Variants in ATXN8OS observed in about 807,000 individuals in gnomAD.
ATXN8OS encodes the protein ATXN8 opposite strand (non-protein coding).
chr13:70,107,422 T>A, upstream of ATXN8OS: 1 of 1,611,906 alleles, frequency 6.2e-7, no homozygotes, highest in Non-Finnish European at 8.5e-7. Context: ...CAGGGTGCCA[T>A]TCAGCGGATT....
intron 4 of ATXN8OS, among the ~76,000 whole-genome samples, chr13:70,168,069 G>A (rs549983970): frequency 6.6e-6 from 1 of 151,978 alleles, no homozygotes; most frequent in Non-Finnish European, 1.5e-5. Flanking sequence ...TATAAGCATT[G>A]GGCATTACAG....
chr13:70,159,103 T>C (rs954430738), intron 4 of ATXN8OS, among the ~76,000 whole-genome samples: 5 of 152,128 alleles, frequency 3.3e-5, no homozygotes, highest in Admixed American at 6.5e-5. Flanking sequence ...TAGATAATAC[T>C]ATAGTTCAAC....
chr13:70,108,528 T>TG (rs1555298159), intron 1 of ATXN8OS: 7 of 137,648 alleles, frequency 5.1e-5, no homozygotes, highest in African/African-American at 1.8e-4. Context: ...TACGGAGAGA[T>TG]GGAGGGAGGG....
At chr13:70,148,307 A>G (rs914405576) in intron 4 of ATXN8OS, among the ~76,000 whole-genome samples, 1 of 152,184 alleles carries the variant, frequency 6.6e-6, no homozygotes, top group Non-Finnish European at 1.5e-5. Flanking sequence ...ACTTTGTTGT[A>G]AAATACTTTG....
At chr13:70,168,739 G>A (rs148122385) in intron 4 of ATXN8OS, among the ~76,000 whole-genome samples, 1 of 151,976 alleles carries the variant, frequency 6.6e-6, no homozygotes, top group East Asian at 1.9e-4. Flanking sequence ...TCATGTCCCA[G>A]TAATATCCCA....
chr13:70,134,511 T>A (rs541550588), intron 3 of ATXN8OS, among the ~76,000 whole-genome samples: 1 of 152,280 alleles, frequency 6.6e-6, no homozygotes, highest in Admixed American at 6.5e-5. Context: ...ATGCACTGGT[T>A]ACCATGCCAG....
intron 1 of ATXN8OS, among the ~76,000 whole-genome samples, chr13:70,113,047 C>A (rs1888220846): frequency 6.6e-6 from 1 of 151,072 alleles, no homozygotes; most frequent in African/African-American, 2.4e-5. Context: ...CTCAGCCTCC[C>A]AAGTAGCTGG....
chr13:70,167,131 G>A (rs368671410), intron 4 of ATXN8OS, among the ~76,000 whole-genome samples: 74 of 151,726 alleles, frequency 4.9e-4, no homozygotes, highest in Non-Finnish European at 9.0e-4. Context: ...ATCTAGAACT[G>A]GAAATACCAT....
chr13:70,153,176 T>C (rs139320295), intron 4 of ATXN8OS, among the ~76,000 whole-genome samples: 1 of 152,218 alleles, frequency 6.6e-6, no homozygotes, highest in Non-Finnish European at 1.5e-5. Flanking sequence ...GAGACATTAC[T>C]GGAAATTAGT....
Position 70,112,920 on chromosome 13 carries a change from A to ATATATTTTTTTTTTTTTTTTTTTTT in ATXN8OS, n.241-2220_241-2219insATATTTTTTTTTTTTTTTTTTTTTT, listed in dbSNP as rs1555298511. Among the ~76,000 whole-genome samples the ATATATTTTTTTTTTTTTTTTTTTTT allele has an allele frequency of 2.3e-5, 2 of 87,574 alleles. 1 individual carries two copies. Among genetic ancestry groups the ATATATTTTTTTTTTTTTTTTTTTTT allele is most frequent in the African/African-American group, 8.8e-5 (2 of 22,636 alleles). The allele number at this position is 87,574 out of a possible 152,430, so 57.5% of individuals were successfully genotyped here. On this transcript the variant is annotated intron_variant and non_coding_transcript_variant, in intron 1 of 4. Coordinates refer to ENST00000678624, the Ensembl canonical transcript of ATXN8OS. ...ACTGCTGAGGGACTTTATATATATA[A>ATATATTTTTTTTTTTTTTTTTTTTT]TTTTTTTTTTTTTTTTTTTTGAGAT...
At chr13:70,162,125 T>C (rs930698258) in intron 4 of ATXN8OS, among the ~76,000 whole-genome samples, 1 of 152,048 alleles carries the variant, frequency 6.6e-6, no homozygotes, top group Non-Finnish European at 1.5e-5. Context: ...TGAGTTAAAA[T>C]TGTGTTTATT....
intron 3 of ATXN8OS, among the ~76,000 whole-genome samples, chr13:70,133,273 A>T (rs1472135038): frequency 1.3e-5 from 2 of 152,156 alleles, no homozygotes; most frequent in Non-Finnish European, 2.9e-5. Flanking sequence ...TTTAAAAAAT[A>T]CCCAGATGTG....
intron 3 of ATXN8OS, among the ~76,000 whole-genome samples, chr13:70,142,336 G>T (rs571001355): frequency 1.5e-4 from 23 of 152,230 alleles, no homozygotes; most frequent in African/African-American, 5.1e-4. Flanking sequence ...TTCTTCCAAG[G>T]TTCTTAACAT....
intron 4 of ATXN8OS, among the ~76,000 whole-genome samples, chr13:70,165,168 CAA>C: frequency 6.6e-6 from 1 of 151,438 alleles, no homozygotes. Context: ...CAAGGAAAAA[CAA>C]AAGTTATCAG....
intron 3 of ATXN8OS, among the ~76,000 whole-genome samples, chr13:70,146,084 C>G (rs1308358774): frequency 3.0e-5 from 4 of 132,268 alleles, no homozygotes; most frequent in African/African-American, 1.1e-4. Flanking sequence ...AAAAACAACC[C>G]CATCAAAAAG....
intron 3 of ATXN8OS, among the ~76,000 whole-genome samples, chr13:70,143,932 A>G (rs1168625645): frequency 1.3e-5 from 2 of 152,146 alleles, no homozygotes; most frequent in African/African-American, 4.8e-5. Context: ...ATTCTTATTT[A>G]CGAATTTTGT....
At chr13:70,136,332 T>G (rs1888613581) in intron 3 of ATXN8OS, among the ~76,000 whole-genome samples, 1 of 152,176 alleles carries the variant, frequency 6.6e-6, no homozygotes, top group South Asian at 2.1e-4. Flanking sequence ...ATTTTTTAAT[T>G]TAATAATACA....
At chr13:70,156,758 A>G (rs1888942614) in intron 4 of ATXN8OS, among the ~76,000 whole-genome samples, 1 of 152,142 alleles carries the variant, frequency 6.6e-6, no homozygotes, top group Admixed American at 6.6e-5. Context: ...AGGACATACC[A>G]CACTATCAAA....
At chr13:70,130,510 C>T (rs115164685) in intron 3 of ATXN8OS, among the ~76,000 whole-genome samples, 186 of 151,992 alleles carry the variant, frequency 1.2e-3, no homozygotes, top group Non-Finnish European at 1.5e-3. Flanking sequence ...AGGAAGAATG[C>T]GTGATACAGA....
Sources: allele counts gnomAD v4.1 joint callset (sites outside exome capture counted in the v4.1 genomes callset), GRCh38; gene constraint gnomAD v4.1.1; transcripts MANE v1.5; gene names NCBI Gene and HGNC (gene_info 2026-07-23, HGNC 2026-07-21).